Variants in SYN3 observed in about 807,000 individuals in gnomAD.
The protein encoded by SYN3 is synapsin III.
SYN3 carries 35 observed loss-of-function variants against 65.8 expected under a neutral mutation model. That is an observed-to-expected ratio of 0.53 (90% confidence interval 0.41 to 0.70). SYN3 has a LOEUF of 0.70. Among genes scored for constraint, SYN3 ranks in the 30% least tolerant of loss-of-function variants. The pLI, the probability that SYN3 is intolerant of heterozygous loss-of-function variation, is 0.00. For synonymous variants in SYN3, 270 were observed against 292.9 expected, an observed-to-expected ratio of 0.92 and a Z score of 0.80; for missense variants, 680 against 749.0, an observed-to-expected ratio of 0.91 and a Z score of 1.08.
At chr22:32,864,678 G>C (rs902514661) in intron 6 of SYN3, 1 of 367,592 alleles carries the variant, frequency 2.7e-6, no homozygotes, top group South Asian at 5.2e-5. Flanking sequence ...AAATCTCCAA[G>C]TTCCAAGGAA....
At position 32,511,819 on chromosome 22, in the gene SYN3, C is replaced by T. The variant is rs941226401; in HGVS notation, c.*1873G>A. On this transcript the variant is annotated 3_prime_UTR_variant, in exon 14 of 14. Transcript: ENST00000358763. ...TCAGGTCTGCTACTTATTATTGAAT[C>T]CCAGACCAAGAGTCTTGAACAGGAG... is the stretch of plus-strand genomic sequence containing the variant. Among the ~76,000 whole-genome samples, 2 of 152,188 alleles carry T rather than the reference C, an allele frequency of 1.3e-5. No individual in the cohort carries two copies. The highest frequency in any genetic ancestry group is 4.8e-5 in the African/African-American group (2 of 41,452).
intron 6 of SYN3, among the ~76,000 whole-genome samples, chr22:32,825,788 C>G (rs951893433): frequency 2.8e-5 from 4 of 141,974 alleles, no homozygotes; most frequent in African/African-American, 1.0e-4. Flanking sequence ...GGATGTTTAT[C>G]ATAGAGTTGT....
At chr22:32,820,057 A>T (rs1282219143) in intron 6 of SYN3, among the ~76,000 whole-genome samples, 1 of 151,930 alleles carries the variant, frequency 6.6e-6, no homozygotes, top group Non-Finnish European at 1.5e-5. Flanking sequence ...CAAGCTTCTA[A>T]CACTGAGAGT....
chr22:32,554,167 T>TG (rs1237307405), intron 7 of SYN3, among the ~76,000 whole-genome samples: 1 of 152,184 alleles, frequency 6.6e-6, no homozygotes, highest in Non-Finnish European at 1.5e-5. Context: ...ATCTCTCTTT[T>TG]GCGTTCAGCC....
chr22:32,870,603 A>G (rs1174632253), intron 4 of SYN3, among the ~76,000 whole-genome samples: 1 of 152,204 alleles, frequency 6.6e-6, no homozygotes, highest in African/African-American at 2.4e-5. Flanking sequence ...TACCCAAAAA[A>G]AGTTCCCTTT....
At chr22:32,686,784 A>G (rs1186318018) in intron 6 of SYN3, among the ~76,000 whole-genome samples, 1 of 151,766 alleles carries the variant, frequency 6.6e-6, no homozygotes, top group Admixed American at 6.6e-5. Flanking sequence ...TTTAGTACAG[A>G]TGGTGTTTCA....
intron 6 of SYN3, among the ~76,000 whole-genome samples, chr22:32,830,399 C>A (rs781407689): frequency 6.6e-6 from 1 of 151,964 alleles, no homozygotes; most frequent in East Asian, 1.9e-4. Context: ...ATGCTTTGCC[C>A]GACAGTCTAT....
At chr22:32,972,787 G>A (rs1302323127) in intron 3 of SYN3, among the ~76,000 whole-genome samples, 1 of 151,924 alleles carries the variant, frequency 6.6e-6, no homozygotes, top group African/African-American at 2.4e-5. Context: ...GAGCCCAGGA[G>A]TTCATGACCA....
intron 11 of SYN3, 128 bp downstream of exon 11, chr22:32,528,746 C>T (rs135123): frequency 2.2e-6 from 3 of 1,348,352 alleles, no homozygotes; most frequent in Non-Finnish European, 2.0e-6. Flanking sequence ...TTCGTCCACA[C>T]CCCCATTCCT....
intron 6 of SYN3, among the ~76,000 whole-genome samples, chr22:32,762,351 C>T (rs2045507374): frequency 6.6e-6 from 1 of 152,114 alleles, no homozygotes; most frequent in African/African-American, 2.4e-5. Flanking sequence ...GGACTGGCAC[C>T]CTCTTGCTCC....
At chr22:32,537,245 C>T (rs912884822) in intron 9 of SYN3, among the ~76,000 whole-genome samples, 19 of 151,982 alleles carry the variant, frequency 1.3e-4, no homozygotes, top group Non-Finnish European at 1.9e-4. Flanking sequence ...CCGCAACCTC[C>T]GCCTCCTGGG....
intron 1 of SYN3, among the ~76,000 whole-genome samples, chr22:33,042,780 T>C (rs987431184): frequency 1.3e-5 from 2 of 152,034 alleles, no homozygotes; most frequent in African/African-American, 4.8e-5. Context: ...AAGAGTCAGG[T>C]TAGGAATCTT....
chr22:32,694,960 T>C lies in SYN3; in HGVS notation c.712-98224A>G, dbSNP rs936934393. Reference sequence around the variant, plus strand: ...CTTCAGAATTTTGTACCTGTTCCTTTTGGCACTAAAGGATAAAGAGAAGTT... The same window carrying C: ...CTTCAGAATTTTGTACCTGTTCCTTCTGGCACTAAAGGATAAAGAGAAGTT... On this transcript the variant is annotated intron_variant, in intron 6 of 13. Transcript: ENST00000358763. Among the ~76,000 whole-genome samples the C allele has an allele frequency of 2.6e-5, 4 of 152,238 alleles. No individual in the cohort carries two copies. In the South Asian group the frequency reaches 6.2e-4, roughly 24 times the overall value.
At chr22:32,806,364 C>T (rs983766527) in intron 6 of SYN3, among the ~76,000 whole-genome samples, 7 of 152,176 alleles carry the variant, frequency 4.6e-5, no homozygotes, top group Non-Finnish European at 8.8e-5. Context: ...TTCAGCTCCA[C>T]TGCTGAATGG....
chr22:32,869,330 T>TTCTCTCTCTCTTCTCTCTCTCTCTCTCTC (rs2048777071), intron 4 of SYN3, among the ~76,000 whole-genome samples: 1 of 120,932 alleles, frequency 8.3e-6, no homozygotes, highest in South Asian at 3.3e-4. Context: ...ACTATATATA[T>TTCTCTCTCTCTTCTCTCTCTCTCTCTCTC]TCTCTCTCTC....
intron 6 of SYN3, among the ~76,000 whole-genome samples, chr22:32,794,881 T>C (rs58237391): frequency 0.098 from 14,878 of 152,142 alleles, 803 homozygotes; most frequent in Admixed American, 0.16. Context: ...GGGGAATATA[T>C]TGGTGGCGGC....
At chr22:32,939,543 C>T (rs1312490848) in intron 3 of SYN3, among the ~76,000 whole-genome samples, 1 of 152,170 alleles carries the variant, frequency 6.6e-6, no homozygotes, top group African/African-American at 2.4e-5. Context: ...CACCATGATG[C>T]TACCATTTTA....
At chr22:32,642,657 T>C (rs1184043694) in intron 6 of SYN3, among the ~76,000 whole-genome samples, 2 of 152,116 alleles carry the variant, frequency 1.3e-5, no homozygotes, top group East Asian at 3.9e-4. Context: ...CTCGATCTCC[T>C]GACCTCGTGA....
intron 1 of SYN3, among the ~76,000 whole-genome samples, chr22:33,041,010 G>A (rs1223134514): frequency 1.3e-5 from 2 of 151,842 alleles, no homozygotes; most frequent in Non-Finnish European, 2.9e-5. Context: ...CAACTCCCTG[G>A]TTCAAGCGAT....
Sources: allele counts gnomAD v4.1 joint callset (sites outside exome capture counted in the v4.1 genomes callset), GRCh38; gene constraint gnomAD v4.1.1; transcripts MANE v1.5; gene names NCBI Gene and HGNC (gene_info 2026-07-23, HGNC 2026-07-21).